The following NSF variants were observed in gnomAD, a reference collection of about 807,000 sequenced individuals.
NSF encodes vesicle-fusing ATPase.
Under a neutral mutation model 50.3 loss-of-function variants are expected in NSF, and 14 were observed. The ratio of observed to expected loss-of-function variants is 0.28; its 90% CI spans 0.18 to 0.44. The LOEUF is 0.44. Among genes scored for constraint, NSF ranks in the 20% least tolerant of loss-of-function variants. NSF has a pLI of 1.00. For missense variants in NSF, 218 were observed against 504.3 expected, an observed-to-expected ratio of 0.43 and a Z score of 5.44; for synonymous variants, 109 against 175.7, an observed-to-expected ratio of 0.62 and a Z score of 3.00.
At chr17:46,614,570 A>T (rs2146126191) in intron 1 of NSF, among the ~76,000 whole-genome samples, 1 of 23,060 alleles carries the variant, frequency 4.3e-5, no homozygotes, top group Middle Eastern at 7.7e-3. Flanking sequence ...ATGGAAGGCA[A>T]GGAAGGGAGA....
At chr17:46,740,375 A>G (rs902620607) in intron 17 of NSF, among the ~76,000 whole-genome samples, 5 of 152,222 alleles carry the variant, frequency 3.3e-5, no homozygotes, top group Non-Finnish European at 5.9e-5. Context: ...AAAACTGGAG[A>G]AAGCATTTTA....
At chr17:46,754,974 G>A (rs2059218641) in intron 19 of NSF, among the ~76,000 whole-genome samples, 1 of 152,256 alleles carries the variant, frequency 6.6e-6, no homozygotes, top group African/African-American at 2.4e-5. Context: ...AGGTGAATTG[G>A]TTGTCATTTG....
At chr17:46,729,457 C>T (rs2058926798) in intron 17 of NSF, among the ~76,000 whole-genome samples, 1 of 152,004 alleles carries the variant, frequency 6.6e-6, no homozygotes, top group Non-Finnish European at 1.5e-5. Flanking sequence ...ATCTTGATTC[C>T]TGTGTTTGCA....
At chr17:46,735,466 TAA>T (rs775711064) in intron 17 of NSF, among the ~76,000 whole-genome samples, 24 of 141,558 alleles carry the variant, frequency 1.7e-4, no homozygotes, top group Non-Finnish European at 1.6e-4. Context: ...ACTTGAGGTT[TAA>T]AAAAAAAAAA....
intron 17 of NSF, among the ~76,000 whole-genome samples, chr17:46,746,247 C>T (rs1162488547): frequency 1.3e-5 from 2 of 152,220 alleles, no homozygotes; most frequent in African/African-American, 4.8e-5. Context: ...TGAATGCTCA[C>T]AGGTGTACTT....
In NSF at chr17:46,719,791, C is replaced by T. The variant is rs1261396868; in HGVS notation, c.1761+5805C>T. 1.3e-5 allele frequency among the ~76,000 whole-genome samples: 2 copies of T among 152,180 alleles called. No homozygotes were observed. Among genetic ancestry groups the T allele is most frequent in the Non-Finnish European group, 2.9e-5 (2 of 68,018 alleles). On this transcript the variant is annotated intron_variant, in intron 15 of 20. Coordinates refer to ENST00000398238, the MANE Select transcript of NSF (RefSeq NM_006178.4). The surrounding 1 kb of genome is among the most constrained non-coding windows in gnomAD (Gnocchi z 4.3). ...ATTTGATTTTAACTAATTACCTAAT[C>T]TTGATGCTTTCTGAGTATACAATCA...
chr17:46,755,766 C>T (rs781051881), intron 20 of NSF, 36 bp from the exon 21 acceptor site: 23 of 1,551,026 alleles, frequency 1.5e-5, no homozygotes, highest in African/African-American at 1.3e-4. Flanking sequence ...TACGGACCCT[C>T]ATCTGTTTTT....
chr17:46,622,424 G>C (rs2146135231), intron 1 of NSF, among the ~76,000 whole-genome samples: 2 of 150,320 alleles, frequency 1.3e-5, no homozygotes, highest in Non-Finnish European at 1.5e-5. Context: ...CACCAGGGCA[G>C]TCCAGCCTGG....
chr17:46,704,721 C>T lies in NSF; in HGVS notation c.1375-38C>T, dbSNP rs750777036. 5.0e-6 allele frequency: 8 copies of T among 1,591,258 alleles called. No individual in the cohort carries two copies. In the South Asian group the frequency reaches 8.1e-5, roughly 16 times the overall value. ...AATATATTCTTAACTATTCTTAAAT[C>T]TTGGAAGTCCTTACATTTTGTTTTT... On this transcript the variant is annotated intron_variant, in intron 12 of 20. Coordinates refer to ENST00000398238, the MANE Select transcript of NSF (RefSeq NM_006178.4).
At chr17:46,717,926 CAACA>C (rs995731651) in intron 15 of NSF, among the ~76,000 whole-genome samples, 3 of 152,216 alleles carry the variant, frequency 2.0e-5, no homozygotes, top group Non-Finnish European at 4.4e-5. Context: ...TTCAGCAAGA[CAACA>C]AAGACCCTGG....
chr17:46,747,204 A>G (rs1215486534), intron 17 of NSF, among the ~76,000 whole-genome samples: 2 of 152,244 alleles, frequency 1.3e-5, no homozygotes, highest in Non-Finnish European at 2.9e-5. Flanking sequence ...CAGAAAACAA[A>G]TTGGAAAAAG....
chr17:46,739,761 C>T (rs955161268), intron 17 of NSF, among the ~76,000 whole-genome samples: 9 of 151,348 alleles, frequency 5.9e-5, no homozygotes, highest in African/African-American at 9.7e-5. Flanking sequence ...TGCAGTGGCG[C>T]GATCTCAACT....
At chr17:46,703,854 A>AT (rs1408113943) in intron 12 of NSF, among the ~76,000 whole-genome samples, 2 of 143,378 alleles carry the variant, frequency 1.4e-5, no homozygotes, top group African/African-American at 5.2e-5. Context: ...CCATACCCAT[A>AT]AACAGTAACT....
intron 15 of NSF, 122 bp from the exon 16 acceptor site, chr17:46,726,427 G>A: frequency 2.3e-6 from 2 of 871,698 alleles, no homozygotes; most frequent in Middle Eastern, 2.2e-4. Context: ...ATTTATTGTA[G>A]TCCAAAGTGT....
In NSF at chr17:46,630,392, C is replaced by CT; in HGVS notation, c.199-12dup. The CT allele has an allele frequency of 2.7e-6, 1 of 366,608 alleles. No homozygotes were observed. Among genetic ancestry groups the CT allele is most frequent in the Non-Finnish European group, 4.0e-6 (1 of 249,212 alleles). The allele number at this position is 366,608 out of a possible 1,614,324, so 22.7% of individuals were successfully genotyped here. A position where few individuals can be genotyped will look rare whatever the true frequency, so the allele number is the denominator to read the frequency against. On this transcript the variant is annotated intron_variant, in intron 3 of 20. Coordinates refer to ENST00000398238, the MANE Select transcript of NSF (RefSeq NM_006178.4). ...TTTTGATGGCTTTGGTTTTAAGTAT[C>CT]TTTTTTTCTCCTTTACAGAGAAAAT...
At chr17:46,595,462 A>G (rs1051867701) in intron 1 of NSF, among the ~76,000 whole-genome samples, 5 of 97,972 alleles carry the variant, frequency 5.1e-5, no homozygotes, top group Non-Finnish European at 8.5e-5. Flanking sequence ...CAGCTATCAA[A>G]CATTGAATTT....
At chr17:46,745,349 A>T (rs1377090028) in intron 17 of NSF, among the ~76,000 whole-genome samples, 1 of 152,254 alleles carries the variant, frequency 6.6e-6, no homozygotes, top group Non-Finnish European at 1.5e-5. Context: ...TTTCTTAAAG[A>T]TGACGCTTTA....
intron 17 of NSF, among the ~76,000 whole-genome samples, chr17:46,747,419 G>C (rs58984774): frequency 4.0e-5 from 6 of 151,896 alleles, no homozygotes; most frequent in Admixed American, 3.9e-4. Flanking sequence ...TACCTGGGAC[G>C]ACAGGCATTT....
intron 15 of NSF, 48 bp downstream of exon 15, chr17:46,714,034 G>A (rs2058744396): frequency 6.4e-7 from 1 of 1,561,918 alleles, no homozygotes; most frequent in Non-Finnish European, 8.7e-7. Flanking sequence ...TTAAATGTGT[G>A]TGTGTGTGCA....
Sources: allele counts gnomAD v4.1 joint callset (sites outside exome capture counted in the v4.1 genomes callset), GRCh38; gene constraint gnomAD v4.1.1; non-coding constraint Gnocchi (gnomAD v3.1); transcripts MANE v1.5; gene names NCBI Gene and HGNC (gene_info 2026-07-23, HGNC 2026-07-21).